SS18: variants seen among roughly 807,000 people sequenced by gnomAD.
SS18 encodes SS18 subunit of BAF chromatin remodeling complex.
Under a neutral mutation model 72.5 loss-of-function variants are expected in SS18, and 28 were observed. The observed-to-expected ratio is 0.39, with a 90% CI of 0.29 to 0.53. The LOEUF (loss-of-function observed/expected upper bound fraction) is 0.53, where lower values mean the gene tolerates loss of function less well. Among genes scored for constraint, SS18 ranks in the 20% least tolerant of loss-of-function variants. The probability of loss-of-function intolerance (pLI) is 0.76; values close to 1 mark genes in which losing one functional copy is unlikely to be tolerated. For missense variants in SS18, 518 were observed against 535.3 expected (o/e 0.97, Z 0.32); for synonymous variants, 172 against 164.2 (o/e 1.05, Z -0.37).
intron 3 of SS18, among the ~76,000 whole-genome samples, chr18:26,065,273 A>C (rs897378560): frequency 6.6e-6 from 1 of 152,158 alleles, no homozygotes; most frequent in Non-Finnish European, 1.5e-5. Context: ...TGGCCAGGAA[A>C]ATCTTGGGGA....
In SS18 at chr18:26,035,118, T is replaced by G. The variant is rs1220219385; in HGVS notation, c.983A>C (p.Gln328Pro). Residue 328 changes from glutamine to proline, a missense_variant, in exon 9 of 11, where the codon CAG becomes CCG. Coordinates refer to ENST00000415083, the MANE Select transcript of SS18 (RefSeq NM_001007559.3). The surrounding 1 kb of genome is among the most constrained non-coding windows in gnomAD (Gnocchi z 4.4). ...SQHYYEGGNS[Q>P]YGQQQDAYQG... ...GTATGCATCTTGCTGTTGGCCATAC[T>G]GTGAATTTCCTACAGGATAATTGGA... 8.7e-6 allele frequency: 14 copies of G among 1,612,678 alleles called. No homozygotes were observed. The highest frequency in any genetic ancestry group is 1.1e-5 in the Non-Finnish European group (13 of 1,179,372).
At chr18:26,073,709 T>C (rs2054357498) in intron 3 of SS18, among the ~76,000 whole-genome samples, 1 of 152,194 alleles carries the variant, frequency 6.6e-6, no homozygotes, top group African/African-American at 2.4e-5. Context: ...CAGTAAAAAT[T>C]ATTTTGTAAA....
At chr18:26,066,377 C>T (rs1199826545) in intron 3 of SS18, among the ~76,000 whole-genome samples, 2 of 152,086 alleles carry the variant, frequency 1.3e-5, no homozygotes, top group Non-Finnish European at 2.9e-5. Flanking sequence ...TTGCCTACTC[C>T]ACCTTCACAT....
chr18:26,034,702 T>G (rs1293453243), intron 9 of SS18, among the ~76,000 whole-genome samples: 1 of 152,082 alleles, frequency 6.6e-6, no homozygotes, highest in Non-Finnish European at 1.5e-5. Flanking sequence ...CAATCATCAG[T>G]TTTCCCAGCA....
chr18:26,083,981 T>C (rs2054573712), intron 2 of SS18: 1 of 152,054 alleles, frequency 6.6e-6, no homozygotes, highest in African/African-American at 2.4e-5. Flanking sequence ...AACCTAGCAC[T>C]CAGATCTTAG....
Position 26,035,632 on chromosome 18 carries a change from A to G in SS18, c.973+199T>C. 1 of 406,356 alleles carries G rather than the reference A, an allele frequency of 2.5e-6. No homozygotes were observed. The allele number at this position is 406,356 out of a possible 1,614,324, so 25.2% of individuals were successfully genotyped here. A position where few individuals can be genotyped will look rare whatever the true frequency, so the allele number is the denominator to read the frequency against. On this transcript the variant is annotated intron_variant, in intron 8 of 10. Coordinates refer to ENST00000415083, the MANE Select transcript of SS18 (RefSeq NM_001007559.3). The surrounding 1 kb of genome is among the most constrained non-coding windows in gnomAD (Gnocchi z 4.4). ...GTTTTAGTCTTTTTATTATTGTTAG[A>G]AATGGCAAGTCATGGTTATACATTT...
chr18:26,022,870 A>G (rs2053377133), intron 10 of SS18, among the ~76,000 whole-genome samples: 1 of 152,242 alleles, frequency 6.6e-6, no homozygotes, highest in Non-Finnish European at 1.5e-5. Context: ...TAGGAACAGA[A>G]TCAGTGCTTA....
intron 1 of SS18, chr18:26,089,645 G>A (rs911943891): frequency 6.6e-6 from 1 of 152,208 alleles, no homozygotes; most frequent in Non-Finnish European, 1.5e-5. Context: ...GGCAACAAGG[G>A]GTAGAGGACA....
Position 26,035,208 on chromosome 18 carries a change from C to T in SS18, c.974-81G>A. The T allele has an allele frequency of 6.9e-7, 1 of 1,447,106 alleles. No individual in the cohort carries two copies. The highest frequency in any genetic ancestry group is 9.4e-7 in the Non-Finnish European group (1 of 1,067,890). 89.6% of individuals were successfully genotyped at this position (1,447,106 alleles called of 1,614,324 possible). A position where few individuals can be genotyped will look rare whatever the true frequency, so the allele number is the denominator to read the frequency against. On this transcript the variant is annotated intron_variant, in intron 8 of 10. Coordinates refer to ENST00000415083, the MANE Select transcript of SS18 (RefSeq NM_001007559.3). This position sits in a 1 kb window ranked among gnomAD's most constrained non-coding sequence, Gnocchi z 4.4. Reference sequence around the variant, plus strand: ...TTTTCCCTCTAAGATGCATAGCCAACAACACAAGAACAAAATGAAATGCCA... The same window carrying T: ...TTTTCCCTCTAAGATGCATAGCCAATAACACAAGAACAAAATGAAATGCCA...
chr18:26,080,366 G>A (rs903549096), intron 2 of SS18: 1 of 985,314 alleles, frequency 1.0e-6, no homozygotes. Context: ...TGCACGACAT[G>A]AGATTTTCTG....
At chr18:26,090,869 C>G (rs528946692), upstream of SS18, 13 of 440,674 alleles carry the variant, frequency 3.0e-5, no homozygotes, top group East Asian at 4.2e-4. Flanking sequence ...GAGTCGCGCC[C>G]TAGTCCTCCC....
intron 2 of SS18, chr18:26,082,474 C>G (rs2054542540): frequency 1.0e-6 from 1 of 984,632 alleles, no homozygotes; most frequent in Non-Finnish European, 1.2e-6. Context: ...ATGATCGACA[C>G]TAATTTTTTT....
intron 3 of SS18, among the ~76,000 whole-genome samples, chr18:26,072,170 G>A (rs2054321609): frequency 6.6e-6 from 1 of 151,874 alleles, no homozygotes; most frequent in Admixed American, 6.6e-5. Context: ...CAGAAATGAA[G>A]TATTTTATGG....
chr18:26,046,238 AG>A (rs2053821918), intron 5 of SS18, among the ~76,000 whole-genome samples: 1 of 141,724 alleles, frequency 7.1e-6, no homozygotes, highest in South Asian at 2.1e-4. Context: ...GGAAAAAAAA[AG>A]AAACACTGAG....
intron 2 of SS18, among the ~76,000 whole-genome samples, chr18:26,080,730 T>A (rs902767896): frequency 2.6e-5 from 4 of 152,190 alleles, no homozygotes; most frequent in African/African-American, 9.7e-5. Flanking sequence ...TTCTCCCAGA[T>A]TCTCTAATGA....
At chr18:26,038,313 T>C (rs1177888640) in intron 7 of SS18, among the ~76,000 whole-genome samples, 2 of 152,156 alleles carry the variant, frequency 1.3e-5, no homozygotes, top group Non-Finnish European at 2.9e-5. Flanking sequence ...AAAGATCCTT[T>C]TACATAAGGA....
rs186500620 is a variant in SS18, at chr18:26,068,820, A to T, written c.231+9256T>A. 2.6e-5 allele frequency among the ~76,000 whole-genome samples: 4 copies of T among 152,288 alleles called. No individual in the cohort carries two copies. The East Asian group carries it at 7.7e-4, about 29-fold the overall frequency. ...AATCAATTTTTATTTAACAGGTCAG[A>T]CTTTTATTTTTTGTACAGATATCTT... On this transcript the variant is annotated intron_variant, in intron 3 of 10. Transcript: ENST00000415083.
intron 2 of SS18, chr18:26,081,357 A>G (rs1158605259): frequency 1.3e-5 from 2 of 152,056 alleles, no homozygotes; most frequent in African/African-American, 4.8e-5. Flanking sequence ...CGTCCAGCCA[A>G]TTTTTGTACT....
chr18:26,066,093 A>G (rs2054210671), intron 3 of SS18, among the ~76,000 whole-genome samples: 1 of 151,926 alleles, frequency 6.6e-6, no homozygotes, highest in Admixed American at 6.6e-5. Context: ...ATTTTCAGAT[A>G]TTCTTCCTTC....
Sources: gnomAD v4.1 joint callset for allele counts (sites outside exome capture counted in the v4.1 genomes callset) on GRCh38, gnomAD v4.1.1 for gene constraint, Gnocchi (gnomAD v3.1) non-coding constraint, MANE v1.5 for transcripts, NCBI Gene and HGNC (gene_info 2026-07-23, HGNC 2026-07-21) for gene names.